GABRR3: variants seen among roughly 807,000 people sequenced by gnomAD.
GABRR3 encodes the protein gamma-aminobutyric acid receptor subunit rho-3.
A neutral mutation model predicts 43.2 loss-of-function variants in GABRR3; 29 were observed. That is an observed-to-expected ratio of 0.67 (90% CI 0.50 to 0.92). The LOEUF (loss-of-function observed/expected upper bound fraction) is 0.92, where lower values mean the gene tolerates loss of function less well. Among genes scored for constraint, GABRR3 ranks in the 40% least tolerant of loss-of-function variants. The pLI is 0.00. For missense variants in GABRR3, 576 were observed against 572.3 expected (o/e 1.01, Z -0.07); for synonymous variants, 206 against 195.9 (o/e 1.05, Z -0.43).
intron 2 of GABRR3, among the ~76,000 whole-genome samples, chr3:98,028,131 A>C (rs921566988): frequency 1.3e-5 from 2 of 152,114 alleles, no homozygotes; most frequent in Non-Finnish European, 2.9e-5. Context: ...AATTTTATTA[A>C]AATTGTATTT....
chr3:98,017,843 C>T, intron 3 of GABRR3, 121 bp from the exon 4 acceptor site: 1 of 631,132 alleles, frequency 1.6e-6, no homozygotes, highest in Non-Finnish European at 2.7e-6. Context: ...TTTTTTTAAA[C>T]AACAAATTTC....
intron 7 of GABRR3, among the ~76,000 whole-genome samples, chr3:98,003,006 T>C (rs1222165692): frequency 6.6e-6 from 1 of 152,222 alleles, no homozygotes; most frequent in Admixed American, 6.5e-5. Context: ...CATTATCTTT[T>C]TCTTCCTTAC....
Position 97,995,123 on chromosome 3 carries a change from C to A in GABRR3, c.908-2075G>T, listed in dbSNP as rs138718995. ...CCTCCTGAGTAGCTGGGATTACAGG[C>A]ATGCACCACCACCTGGGCTAATTTT... On this transcript the variant is annotated intron_variant, in intron 8 of 9. Coordinates refer to ENST00000621172, the Ensembl canonical transcript of GABRR3. 3.5e-3 allele frequency among the ~76,000 whole-genome samples: 540 copies of A among 152,176 alleles called. 4 individuals carry two copies. Among genetic ancestry groups the A allele is most frequent in the African/African-American group, 0.012 (513 of 41,530 alleles).
rs1320090142 is a variant in GABRR3, at chr3:97,992,738, G to A, written c.1104+114C>T. On this transcript the variant is annotated intron_variant, in intron 9 of 9. Transcript: ENST00000621172. Reference sequence around the variant, plus strand: ...TCACCATACTGTCAACTTGCCTCTTGACAAGCATATGGACTTAATACAAAG... The same window carrying A: ...TCACCATACTGTCAACTTGCCTCTTAACAAGCATATGGACTTAATACAAAG... The A allele has an allele frequency of 4.1e-5, 38 of 927,056 alleles. No homozygotes were observed. The Middle Eastern group carries it at 7.0e-4, about 17-fold the overall frequency. 57.4% of individuals were successfully genotyped at this position (927,056 alleles called of 1,614,324 possible).
At chr3:98,034,934 T>C (rs776299973) in exon 2 of GABRR3, 1 of 1,613,080 alleles carries the variant, frequency 6.2e-7, no homozygotes, top group South Asian at 1.1e-5. Context: ...AAACATTTGG[T>C]TTCAATATGA....
At chr3:98,026,026 C>A (rs1707010656) in intron 2 of GABRR3, among the ~76,000 whole-genome samples, 1 of 152,144 alleles carries the variant, frequency 6.6e-6, no homozygotes, top group South Asian at 2.1e-4. Context: ...TGTCCCAGAT[C>A]AACTAAATCA....
intron 2 of GABRR3, among the ~76,000 whole-genome samples, chr3:98,027,899 ACC>A (rs1376739449): frequency 2.6e-5 from 4 of 152,152 alleles, no homozygotes; most frequent in Non-Finnish European, 5.9e-5. Flanking sequence ...ATTTAAAGAT[ACC>A]TGAACAAGCT....
chr3:98,011,917 T>C (rs550273911), intron 5 of GABRR3, among the ~76,000 whole-genome samples: 12 of 152,152 alleles, frequency 7.9e-5, no homozygotes, highest in Non-Finnish European at 1.2e-4. Flanking sequence ...AGCAAATTGG[T>C]GTTAGCTTGA....
At chr3:97,995,313 A>G (rs548566804) in intron 8 of GABRR3, among the ~76,000 whole-genome samples, 55 of 152,300 alleles carry the variant, frequency 3.6e-4, no homozygotes, top group South Asian at 1.5e-3. Flanking sequence ...TGGTTTTTTA[A>G]GATATAAAAC....
chr3:98,013,649 GA>G (rs1706838882), intron 4 of GABRR3, among the ~76,000 whole-genome samples: 1 of 152,104 alleles, frequency 6.6e-6, no homozygotes, highest in Non-Finnish European at 1.5e-5. Context: ...AATTAATTAT[GA>G]GCTAGTTTGT....
chr3:98,031,752 A>G (rs1053008702), intron 2 of GABRR3, among the ~76,000 whole-genome samples: 1 of 152,128 alleles, frequency 6.6e-6, no homozygotes, highest in African/African-American at 2.4e-5. Flanking sequence ...CAGAAAAAAA[A>G]AAGTTAAAAA....
intron 8 of GABRR3, chr3:97,998,177 T>C (rs564058153): frequency 5.1e-4 from 77 of 152,342 alleles, no homozygotes; most frequent in African/African-American, 1.8e-3. Flanking sequence ...ATGAAGATAG[T>C]GCATAGTAAC....
chr3:97,995,796 C>T (rs562452004), intron 8 of GABRR3, among the ~76,000 whole-genome samples: 1 of 152,232 alleles, frequency 6.6e-6, no homozygotes, highest in Admixed American at 6.5e-5. Context: ...AGTATTCCTT[C>T]CAAACCCATT....
rs540246137 is a variant in GABRR3, at chr3:98,002,500, T to C, written c.755-733A>G. Among the ~76,000 whole-genome samples the C allele has an allele frequency of 4.6e-5, 7 of 152,288 alleles. No homozygotes were observed. The South Asian group carries it at 1.5e-3, about 32-fold the overall frequency. ...AAGTTTAAAGCCAAATTTTCAGACA[T>C]CTACAGGACTTCTCTGAGCACCATT... On this transcript the variant is annotated intron_variant, in intron 7 of 9. Transcript: ENST00000621172.
exon 7 of GABRR3, chr3:98,007,822 A>G: frequency 1.2e-6 from 2 of 1,613,366 alleles, no homozygotes; most frequent in Non-Finnish European, 1.7e-6. Context: ...TGAAGAACTG[A>G]GAAAGGGACA....
intron 8 of GABRR3, among the ~76,000 whole-genome samples, chr3:97,995,363 C>G (rs1405801021): frequency 6.6e-6 from 1 of 151,742 alleles, no homozygotes; most frequent in Non-Finnish European, 1.5e-5. Flanking sequence ...TAATATGGAG[C>G]TTAGCGGACA....
At chr3:98,018,365 A>T (rs1356372894) in intron 3 of GABRR3, among the ~76,000 whole-genome samples, 1 of 152,214 alleles carries the variant, frequency 6.6e-6, no homozygotes. Flanking sequence ...TTTGTGAAGA[A>T]GCAAATATCC....
chr3:98,013,617 A>G (rs1456612812), intron 4 of GABRR3, among the ~76,000 whole-genome samples: 2 of 152,262 alleles, frequency 1.3e-5, no homozygotes, highest in African/African-American at 2.4e-5. Flanking sequence ...GATACATTTC[A>G]GTAAACTCTG....
chr3:97,988,721 G>T (rs1426032103), intron 9 of GABRR3, among the ~76,000 whole-genome samples: 2 of 151,400 alleles, frequency 1.3e-5, no homozygotes, highest in African/African-American at 4.9e-5. Flanking sequence ...GACTGTTGGT[G>T]AATGGTGGTG....
Sources: allele counts gnomAD v4.1 joint callset (sites outside exome capture counted in the v4.1 genomes callset), GRCh38; gene constraint gnomAD v4.1.1; transcripts MANE v1.5; gene names NCBI Gene and HGNC (gene_info 2026-07-23, HGNC 2026-07-21).